Variants in ADAMTS3 observed in about 807,000 individuals in gnomAD.
ADAMTS3 encodes the protein A disintegrin and metalloproteinase with thrombospondin motifs 3.
Under a neutral mutation model 129.0 loss-of-function variants are expected in ADAMTS3, and 73 were observed. That is an observed-to-expected ratio of 0.57 (90% CI 0.47 to 0.69). The LOEUF is 0.69. Ranked by LOEUF, ADAMTS3 falls within the 30% of genes least tolerant of loss-of-function variation. ADAMTS3 has a pLI of 0.00. For synonymous variants in ADAMTS3, 477 were observed against 510.8 expected, an observed-to-expected ratio of 0.93 and a Z score of 0.89; for missense variants, 1,457 against 1,514.5, an observed-to-expected ratio of 0.96 and a Z score of 0.63.
chr4:72,295,983 T>C (rs1209659509), intron 18 of ADAMTS3, among the ~76,000 whole-genome samples, 197 bp from the exon 19 acceptor site: 1 of 152,050 alleles, frequency 6.6e-6, no homozygotes, highest in African/African-American at 2.4e-5. Flanking sequence ...TTTCAGAGAA[T>C]ACGTTTGATA....
At chr4:72,355,567 A>C (rs1720562251) in intron 4 of ADAMTS3, among the ~76,000 whole-genome samples, 1 of 151,948 alleles carries the variant, frequency 6.6e-6, no homozygotes, top group African/African-American at 2.4e-5. Context: ...GGCAGAAAGG[A>C]CTTGTGGAAG....
chr4:72,338,116 G>GTA (rs1720036611), intron 5 of ADAMTS3, among the ~76,000 whole-genome samples: 2 of 152,120 alleles, frequency 1.3e-5, no homozygotes, highest in African/African-American at 2.4e-5. Context: ...AATAATGGAT[G>GTA]ACTTGTATTT....
intron 4 of ADAMTS3, among the ~76,000 whole-genome samples, chr4:72,375,202 T>C (rs2109871880): frequency 6.6e-6 from 1 of 152,318 alleles, no homozygotes; most frequent in Non-Finnish European, 1.5e-5. Flanking sequence ...AAACCATCCT[T>C]TGGCAACCCT....
chr4:72,371,602 A>G (rs1010528766), intron 4 of ADAMTS3, among the ~76,000 whole-genome samples: 1 of 152,040 alleles, frequency 6.6e-6, no homozygotes, highest in Admixed American at 6.5e-5. Context: ...CAGCAATTGT[A>G]AATTTGCATG....
At chr4:72,422,111 A>T (rs1244772267) in intron 3 of ADAMTS3, among the ~76,000 whole-genome samples, 5 of 152,188 alleles carry the variant, frequency 3.3e-5, no homozygotes, top group Non-Finnish European at 7.3e-5. Flanking sequence ...ACTTACAGGA[A>T]TAAGTGTGCA....
chr4:72,566,059 T>A (rs951717175), intron 2 of ADAMTS3, among the ~76,000 whole-genome samples: 2 of 152,178 alleles, frequency 1.3e-5, no homozygotes, highest in Non-Finnish European at 2.9e-5. Context: ...AAGATAAGGA[T>A]TGATGGCTGA....
At chr4:72,416,919 G>A (rs186236179) in intron 3 of ADAMTS3, among the ~76,000 whole-genome samples, 51 of 152,258 alleles carry the variant, frequency 3.3e-4, no homozygotes, top group Non-Finnish European at 5.9e-4. Flanking sequence ...TTAATAAAAT[G>A]TATAAGGATA....
chr4:72,360,889 G>A (rs1400875200), intron 4 of ADAMTS3, among the ~76,000 whole-genome samples: 1 of 151,518 alleles, frequency 6.6e-6, no homozygotes, highest in African/African-American at 2.4e-5. Flanking sequence ...TCCTTATTTA[G>A]TACATGTGAT....
chr4:72,298,473 C>G (rs1235634983), intron 17 of ADAMTS3, 31 bp from the exon 18 acceptor site: 3 of 1,498,852 alleles, frequency 2.0e-6, no homozygotes, highest in Non-Finnish European at 2.7e-6. Context: ...ATATGTAAAT[C>G]ACCTGAGGGT....
At chr4:72,336,463 G>A (rs1261497862) in intron 5 of ADAMTS3, among the ~76,000 whole-genome samples, 1 of 152,186 alleles carries the variant, frequency 6.6e-6, no homozygotes, top group Non-Finnish European at 1.5e-5. Flanking sequence ...CTTCATTACA[G>A]TATCGTTGGT....
chr4:72,389,417 T>G lies in ADAMTS3; in HGVS notation c.661+25398A>C, dbSNP rs202111532. 3.3e-5 allele frequency among the ~76,000 whole-genome samples: 5 copies of G among 151,960 alleles called. No individual in the cohort carries two copies. The East Asian group carries it at 9.7e-4, about 29-fold the overall frequency. On this transcript the variant is annotated intron_variant, in intron 4 of 21. Coordinates refer to ENST00000286657, the MANE Select transcript of ADAMTS3 (RefSeq NM_014243.3). ...ACATTTGAAACATTTAAAACAAACA[T>G]GGAAAAATATTGATAGCTGTTTAAT...
At chr4:72,468,339 A>G (rs1718975138) in intron 3 of ADAMTS3, among the ~76,000 whole-genome samples, 1 of 152,114 alleles carries the variant, frequency 6.6e-6, no homozygotes, top group Non-Finnish European at 1.5e-5. Context: ...CAGGAGTCTT[A>G]AGAAAAATAA....
intron 2 of ADAMTS3, among the ~76,000 whole-genome samples, chr4:72,550,331 C>T (rs1721615585): frequency 6.6e-6 from 1 of 151,902 alleles, no homozygotes; most frequent in African/African-American, 2.4e-5. Flanking sequence ...CATAAAGTAT[C>T]CTTGTAGAAT....
chr4:72,453,714 A>C (rs1365859819), intron 3 of ADAMTS3, among the ~76,000 whole-genome samples: 1 of 151,540 alleles, frequency 6.6e-6, no homozygotes, highest in Non-Finnish European at 1.5e-5. Flanking sequence ...GTACTTGTTA[A>C]TTTTTTTCTG....
At chr4:72,441,777 T>G (rs956695871) in intron 3 of ADAMTS3, 15 of 149,666 alleles carry the variant, frequency 1.0e-4, no homozygotes, top group African/African-American at 2.5e-5. Flanking sequence ...AGCTTAAATA[T>G]TCACAGCCTT....
chr4:72,282,833 T>C lies in ADAMTS3; in HGVS notation c.*303A>G, dbSNP rs768227278. The C allele has an allele frequency of 2.4e-5, 5 of 208,096 alleles. No individual in the cohort carries two copies. Among genetic ancestry groups the C allele is most frequent in the African/African-American group, 4.6e-5 (2 of 43,768 alleles). The allele number at this position is 208,096 out of a possible 1,614,324, so 12.9% of individuals were successfully genotyped here. A position where few individuals can be genotyped will look rare whatever the true frequency, so the allele number is the denominator to read the frequency against. ...AAAACAAACAAAAAGTCAGCTGATA[T>C]GCACAATTGGTTCCAGTCCCTTTTC... is the stretch of plus-strand genomic sequence containing the variant. On this transcript the variant is annotated 3_prime_UTR_variant, in exon 22 of 22. Transcript: ENST00000286657.
At chr4:72,418,875 G>T (rs80237295) in intron 3 of ADAMTS3, among the ~76,000 whole-genome samples, 1 of 152,164 alleles carries the variant, frequency 6.6e-6, no homozygotes, top group Admixed American at 6.5e-5. Context: ...CCATCCTCAA[G>T]TTTGCCATTC....
At chr4:72,515,461 A>C (rs1465386956) in intron 3 of ADAMTS3, among the ~76,000 whole-genome samples, 3 of 151,488 alleles carry the variant, frequency 2.0e-5, no homozygotes, top group African/African-American at 7.3e-5. Context: ...AACAGTGTAA[A>C]AGTGTTCCTA....
At chr4:72,561,038 T>G (rs947843606) in intron 2 of ADAMTS3, among the ~76,000 whole-genome samples, 2 of 152,044 alleles carry the variant, frequency 1.3e-5, no homozygotes, top group Non-Finnish European at 2.9e-5. Flanking sequence ...CCTGGATATA[T>G]AGATTTAGAT....
Sources: allele counts gnomAD v4.1 joint callset (sites outside exome capture counted in the v4.1 genomes callset), GRCh38; gene constraint gnomAD v4.1.1; transcripts MANE v1.5; gene names NCBI Gene and HGNC (gene_info 2026-07-23, HGNC 2026-07-21).